Variants in LRP1B observed in about 807,000 individuals in gnomAD.
The protein encoded by LRP1B is LDL receptor related protein 1B, also known as low-density lipoprotein receptor-related protein 1B.
Under a neutral mutation model 556.6 loss-of-function variants are expected in LRP1B, and 217 were observed. That is an observed-to-expected ratio of 0.39 (90% CI 0.35 to 0.44). LRP1B has a LOEUF of 0.44. Among genes scored for constraint, LRP1B ranks in the 20% least tolerant of loss-of-function variants. LRP1B has a pLI of 1.00. For synonymous variants in LRP1B, 2,047 were observed against 1,865.8 expected, an observed-to-expected ratio of 1.10 and a Z score of -2.50; for missense variants, 5,053 against 5,620.8, an observed-to-expected ratio of 0.90 and a Z score of 3.23.
intron 1 of LRP1B, among the ~76,000 whole-genome samples, chr2:141,843,014 T>C (rs1697529087): frequency 6.6e-6 from 1 of 152,100 alleles, no homozygotes; most frequent in African/African-American, 2.4e-5. Context: ...ATATTAAAAC[T>C]ATTTATTTTT....
intron 49 of LRP1B, among the ~76,000 whole-genome samples, chr2:140,518,506 C>T (rs1003173226): frequency 3.3e-5 from 5 of 152,140 alleles, no homozygotes; most frequent in African/African-American, 1.2e-4. Flanking sequence ...TAATATCTAT[C>T]ATATGCTGAC....
chr2:140,748,744 A>AAT (rs1188194993), intron 35 of LRP1B, among the ~76,000 whole-genome samples: 3 of 107,614 alleles, frequency 2.8e-5, no homozygotes, highest in Non-Finnish European at 5.5e-5. Context: ...ATATGTATAT[A>AAT]ATATGATATA....
intron 1 of LRP1B, among the ~76,000 whole-genome samples, chr2:142,114,169 C>G (rs1210432105): frequency 6.6e-6 from 1 of 152,054 alleles, no homozygotes; most frequent in Non-Finnish European, 1.5e-5. Context: ...CTTGCTTATG[C>G]TTCTTTTTAA....
chr2:141,326,705 C>T (rs989182632), intron 3 of LRP1B, among the ~76,000 whole-genome samples: 10 of 152,062 alleles, frequency 6.6e-5, no homozygotes, highest in Non-Finnish European at 1.2e-4. Context: ...CATCCTACAA[C>T]GTACAAGGAA....
intron 2 of LRP1B, among the ~76,000 whole-genome samples, chr2:141,668,621 C>A (rs1386454011): frequency 6.6e-6 from 1 of 152,136 alleles, no homozygotes; most frequent in African/African-American, 2.4e-5. Context: ...TTTCCAGCTC[C>A]CTGTCCATCT....
At chr2:141,965,988 C>G (rs1301735493) in intron 1 of LRP1B, among the ~76,000 whole-genome samples, 11 of 151,706 alleles carry the variant, frequency 7.3e-5, no homozygotes, top group Admixed American at 7.2e-4. Flanking sequence ...ATTCCACCAA[C>G]TAGCACCTTT....
chr2:141,942,504 CAAA>C (rs755297133), intron 1 of LRP1B, among the ~76,000 whole-genome samples: 1 of 150,886 alleles, frequency 6.6e-6, no homozygotes, highest in African/African-American at 2.4e-5. Flanking sequence ...AAAAACAAAA[CAAA>C]AAAAAAAACA....
At chr2:141,977,159 T>C (rs1701908818) in intron 1 of LRP1B, among the ~76,000 whole-genome samples, 1 of 152,156 alleles carries the variant, frequency 6.6e-6, no homozygotes, top group South Asian at 2.1e-4. Context: ...TTTTTTGATC[T>C]TTTGGAGAGG....
intron 2 of LRP1B, among the ~76,000 whole-genome samples, chr2:141,640,659 T>A (rs974568258): frequency 6.6e-5 from 10 of 152,128 alleles, no homozygotes; most frequent in Non-Finnish European, 1.2e-4. Context: ...CCGGGCATGA[T>A]GGCATGGGCC....
chr2:140,585,408 A>G (rs1558985153), intron 43 of LRP1B, among the ~76,000 whole-genome samples: 1 of 152,126 alleles, frequency 6.6e-6, no homozygotes. Flanking sequence ...CCCACATCAT[A>G]CTGCTTCCTG....
At chr2:140,609,451 C>G (rs563325521) in intron 41 of LRP1B, among the ~76,000 whole-genome samples, 2 of 152,200 alleles carry the variant, frequency 1.3e-5, no homozygotes, top group South Asian at 4.1e-4. Flanking sequence ...GTCCATATTT[C>G]TAATCTAAAT....
At chr2:141,669,254 C>G (rs146743774) in intron 2 of LRP1B, among the ~76,000 whole-genome samples, 3 of 152,200 alleles carry the variant, frequency 2.0e-5, no homozygotes, top group African/African-American at 7.2e-5. Context: ...AACAGATACA[C>G]AGAGGGAACA....
chr2:141,983,572 A>G (rs1290393448), intron 1 of LRP1B, among the ~76,000 whole-genome samples: 6 of 152,302 alleles, frequency 3.9e-5, no homozygotes, highest in African/African-American at 1.4e-4. Context: ...AGTTACTACA[A>G]TGAATGGATA....
chr2:141,403,381 A>G (rs987928514), intron 3 of LRP1B, among the ~76,000 whole-genome samples: 1 of 152,094 alleles, frequency 6.6e-6, no homozygotes, highest in Admixed American at 6.5e-5. Context: ...ATTTAATTCA[A>G]CCCTTTAAGT....
chr2:141,085,601 T>A (rs370290409), intron 7 of LRP1B, among the ~76,000 whole-genome samples: 1 of 152,292 alleles, frequency 6.6e-6, no homozygotes, highest in South Asian at 2.1e-4. Flanking sequence ...CATCTTGATC[T>A]GAGACCAGCA....
chr2:140,296,890 A>G (rs1278883404), intron 84 of LRP1B, among the ~76,000 whole-genome samples: 1 of 152,224 alleles, frequency 6.6e-6, no homozygotes, highest in Admixed American at 6.5e-5. Flanking sequence ...ATTGTGGACA[A>G]CAACTATATT....
chr2:141,299,899 T>C (rs935901911), intron 3 of LRP1B, among the ~76,000 whole-genome samples: 2 of 152,190 alleles, frequency 1.3e-5, no homozygotes, highest in African/African-American at 2.4e-5. Flanking sequence ...ATGGATGGAA[T>C]GTTTGTGTCC....
intron 7 of LRP1B, among the ~76,000 whole-genome samples, chr2:141,138,798 A>C (rs1701553824): frequency 6.6e-6 from 1 of 151,882 alleles, no homozygotes; most frequent in Admixed American, 6.6e-5. Flanking sequence ...TTCTCTCCAA[A>C]CTTATCAGTT....
At position 140,544,098 on chromosome 2, in the gene LRP1B, A is replaced by C. The variant is rs141585369; in HGVS notation, c.7195-2127T>G. Reference sequence around the variant, plus strand: ...TTTACAATCTTTAAGTGCACAATTCAGTGGTAATAAAAACATTTATATTCC... The same window carrying C: ...TTTACAATCTTTAAGTGCACAATTCCGTGGTAATAAAAACATTTATATTCC... On this transcript the variant is annotated intron_variant, in intron 43 of 90. Transcript: ENST00000389484. 3.0e-4 allele frequency among the ~76,000 whole-genome samples: 46 copies of C among 152,188 alleles called. No homozygotes were observed. The East Asian group carries it at 8.9e-3, about 29-fold the overall frequency.
Sources: allele counts gnomAD v4.1 joint callset (sites outside exome capture counted in the v4.1 genomes callset), GRCh38; gene constraint gnomAD v4.1.1; transcripts MANE v1.5; gene names NCBI Gene and HGNC (gene_info 2026-07-23, HGNC 2026-07-21).